CNTN5: variants seen among roughly 807,000 people sequenced by gnomAD.
CNTN5 encodes the protein contactin 5.
CNTN5 carries 77 observed loss-of-function variants against 129.1 expected under a neutral mutation model. The ratio of observed to expected loss-of-function variants is 0.60; its 90% CI spans 0.50 to 0.72. The LOEUF is 0.72. Ranked by LOEUF, CNTN5 falls within the 30% of genes least tolerant of loss-of-function variation. The pLI, the probability that CNTN5 is intolerant of heterozygous loss-of-function variation, is 0.00. For missense variants in CNTN5, 1,478 were observed against 1,328.8 expected (o/e 1.11, Z -1.75); for synonymous variants, 509 against 465.6 (o/e 1.09, Z -1.20).
At position 100,271,133 on chromosome 11, in the gene CNTN5, G is replaced by A. The variant is rs1260762660; in HGVS notation, c.2206G>A (p.Val736Met). 1 of 1,612,572 alleles carries A rather than the reference G, an allele frequency of 6.2e-7. No individual in the cohort carries two copies. Among genetic ancestry groups the A allele is most frequent in the Non-Finnish European group, 8.5e-7 (1 of 1,179,246 alleles). Residue 736 changes from valine to methionine, a missense_variant, in exon 18 of 25, where the codon GTG (valine) becomes ATG (methionine). Val to Met is a conservative substitution (Grantham distance 21). Transcript: ENST00000524871. Reference protein sequence around the residue: ...ITGDMESAMAVDLNPWVEYEF... With the variant: ...ITGDMESAMAMDLNPWVEYEF... ...AGGGGACATGGAGTCAGCCATGGCT[G>A]TGGACCTAAATCCCTGGGTGGAATA... is the stretch of plus-strand genomic sequence containing the variant.
intron 1 of CNTN5, among the ~76,000 whole-genome samples, chr11:99,169,112 C>T (rs543302465): frequency 1.3e-5 from 2 of 152,266 alleles, no homozygotes; most frequent in South Asian, 4.1e-4. Context: ...CTGGGAGTAG[C>T]ATCTCAGGCC....
chr11:99,103,718 T>C (rs2135359029), intron 1 of CNTN5, among the ~76,000 whole-genome samples: 1 of 151,932 alleles, frequency 6.6e-6, no homozygotes. Context: ...TATCAGATCT[T>C]TCTTGTTTAA....
At chr11:100,030,819 C>T (rs1348220790) in intron 9 of CNTN5, among the ~76,000 whole-genome samples, 3 of 152,128 alleles carry the variant, frequency 2.0e-5, no homozygotes, top group Non-Finnish European at 2.9e-5. Context: ...ATCCTGTAAC[C>T]ATGTTAAAGC....
chr11:99,583,654 G>A (rs944355363), intron 3 of CNTN5, among the ~76,000 whole-genome samples: 14 of 152,324 alleles, frequency 9.2e-5, no homozygotes, highest in South Asian at 6.2e-4. Context: ...CTGGTGTGCC[G>A]TTTGTTAAGC....
rs200117804 is a variant in CNTN5 at position 99,525,147 on chromosome 11, G to A, written c.-70-30998G>A. On this transcript the variant is annotated intron_variant, in intron 2 of 24. Coordinates refer to ENST00000524871, the MANE Select transcript of CNTN5 (RefSeq NM_014361.4). Reference sequence around the variant, plus strand: ...CCATGAAAAGCCAATTTAAAGGGAGGCTTTTTTTTTACATTAGGAAGACCT... The same window carrying A: ...CCATGAAAAGCCAATTTAAAGGGAGACTTTTTTTTTACATTAGGAAGACCT... Among the ~76,000 whole-genome samples, 23 of 137,848 alleles carry A rather than the reference G, an allele frequency of 1.7e-4. 1 individual carries two copies. In the East Asian group the frequency reaches 4.8e-3, roughly 29 times the overall value. The allele number at this position is 137,848 out of a possible 152,430, so 90.4% of individuals were successfully genotyped here.
chr11:99,791,990 G>A (rs1292470829), intron 3 of CNTN5, among the ~76,000 whole-genome samples: 1 of 151,806 alleles, frequency 6.6e-6, no homozygotes, highest in Non-Finnish European at 1.5e-5. Context: ...GTTTGTCAAA[G>A]GCTTTTGGTG....
At position 99,037,026 on chromosome 11, in the gene CNTN5, G is replaced by T. The variant is rs538281108; in HGVS notation, c.-210+15756G>T. Among the ~76,000 whole-genome samples, 3 of 152,270 alleles carry T rather than the reference G, an allele frequency of 2.0e-5. No homozygotes were observed. The South Asian group carries it at 6.2e-4, about 32-fold the overall frequency. ...TATCTGTGAAAACATAGAGATGTTT[G>T]TACAAATACCATTGTCTTCTTTTCT... On this transcript the variant is annotated intron_variant, in intron 1 of 24. Transcript: ENST00000524871.
intron 13 of CNTN5, among the ~76,000 whole-genome samples, chr11:100,101,670 C>T (rs1486650322): frequency 6.6e-6 from 1 of 151,986 alleles, no homozygotes. Flanking sequence ...GATTTTGGTG[C>T]ACCTGTCACC....
At chr11:99,419,586 T>C (rs920145682) in intron 2 of CNTN5, among the ~76,000 whole-genome samples, 14 of 152,234 alleles carry the variant, frequency 9.2e-5, no homozygotes, top group South Asian at 4.1e-4. Context: ...TTAGTGACAA[T>C]ACTAAGCCAG....
intron 2 of CNTN5, among the ~76,000 whole-genome samples, chr11:99,409,255 G>A (rs956663915): frequency 1.3e-5 from 2 of 152,164 alleles, no homozygotes; most frequent in Admixed American, 6.5e-5. Context: ...ACGAGGTCAG[G>A]AGATCGAGAC....
chr11:99,736,455 G>T (rs908926057), intron 3 of CNTN5, among the ~76,000 whole-genome samples: 1 of 152,176 alleles, frequency 6.6e-6, no homozygotes, highest in Non-Finnish European at 1.5e-5. Context: ...AGCTGCCCAA[G>T]AAGGGGAACA....
At chr11:99,707,427 A>C (rs1163430640) in intron 3 of CNTN5, among the ~76,000 whole-genome samples, 1 of 151,718 alleles carries the variant, frequency 6.6e-6, no homozygotes, top group Admixed American at 6.6e-5. Context: ...TTTTCCTTCC[A>C]ACATTATTGC....
At chr11:100,020,973 A>G (rs899202342) in intron 9 of CNTN5, among the ~76,000 whole-genome samples, 1 of 152,150 alleles carries the variant, frequency 6.6e-6, no homozygotes, top group African/African-American at 2.4e-5. Flanking sequence ...AAGAATTAAT[A>G]TTGTTAAAAT....
intron 14 of CNTN5, among the ~76,000 whole-genome samples, chr11:100,193,195 T>G (rs1948542770): frequency 6.6e-6 from 1 of 151,934 alleles, no homozygotes; most frequent in African/African-American, 2.4e-5. Context: ...TTTTCTAATG[T>G]TCCTCCTTCC....
chr11:99,657,537 C>T (rs1300480945), intron 3 of CNTN5, among the ~76,000 whole-genome samples: 2 of 151,954 alleles, frequency 1.3e-5, no homozygotes, highest in Admixed American at 6.6e-5. Context: ...TTATTACTAC[C>T]CAGTAATGAC....
intron 3 of CNTN5, among the ~76,000 whole-genome samples, chr11:99,803,554 G>C (rs1946177953): frequency 6.6e-6 from 1 of 152,146 alleles, no homozygotes; most frequent in Non-Finnish European, 1.5e-5. Flanking sequence ...CCTGAGTTTG[G>C]GAAAATGCCC....
intron 3 of CNTN5, among the ~76,000 whole-genome samples, chr11:99,683,944 T>C (rs903468777): frequency 8.6e-5 from 13 of 151,886 alleles, no homozygotes; most frequent in African/African-American, 3.1e-4. Context: ...TACTATTTTT[T>C]TGGTGACGGA....
intron 9 of CNTN5, among the ~76,000 whole-genome samples, chr11:100,030,780 T>C (rs1207028208): frequency 6.6e-6 from 1 of 152,228 alleles, no homozygotes; most frequent in East Asian, 1.9e-4. Context: ...CTTAGGCTTC[T>C]GTGAAAATTA....
intron 1 of CNTN5, among the ~76,000 whole-genome samples, chr11:99,228,546 G>T (rs1019647341): frequency 5.3e-5 from 8 of 152,006 alleles, no homozygotes; most frequent in Non-Finnish European, 1.2e-4. Context: ...TAAATACCTT[G>T]AATCGATCAT....
Sources: allele counts gnomAD v4.1 joint callset (sites outside exome capture counted in the v4.1 genomes callset), GRCh38; gene constraint gnomAD v4.1.1; transcripts MANE v1.5; gene names NCBI Gene and HGNC (gene_info 2026-07-23, HGNC 2026-07-21).